Variants in ARFGAP3 observed in about 807,000 individuals in gnomAD.
ARFGAP3 encodes the protein ADP-ribosylation factor GTPase-activating protein 3.
Under a neutral mutation model 75.0 loss-of-function variants are expected in ARFGAP3, and 72 were observed. The observed-to-expected ratio is 0.96, with a 90% confidence interval of 0.79 to 1.17. The LOEUF is 1.17. ARFGAP3 is among the 50% of genes most tolerant of loss of function. The pLI is 0.00. For missense variants in ARFGAP3, 620 were observed against 626.6 expected, an observed-to-expected ratio of 0.99 and a Z score of 0.11; for synonymous variants, 221 against 217.9, an observed-to-expected ratio of 1.01 and a Z score of -0.13.
chr22:42,813,490 C>A (rs558110010), intron 11 of ARFGAP3, among the ~76,000 whole-genome samples: 1 of 152,336 alleles, frequency 6.6e-6, no homozygotes, highest in South Asian at 2.1e-4. Context: ...AAATAACATT[C>A]TTCATTCTTA....
chr22:42,817,667 A>G, intron 10 of ARFGAP3, 62 bp downstream of exon 10: 2 of 1,364,266 alleles, frequency 1.5e-6, no homozygotes, highest in Non-Finnish European at 2.0e-6. Context: ...AGTCCAAGAA[A>G]AATCCACTGA....
At chr22:42,808,236 A>G (rs978653847) in intron 13 of ARFGAP3, among the ~76,000 whole-genome samples, 26 of 151,884 alleles carry the variant, frequency 1.7e-4, no homozygotes, top group Admixed American at 1.5e-3. Context: ...CATCTCTACT[A>G]AAAATACAAA....
At chr22:42,843,856 G>A (rs1450911835) in intron 2 of ARFGAP3, among the ~76,000 whole-genome samples, 2 of 152,188 alleles carry the variant, frequency 1.3e-5, no homozygotes, top group Non-Finnish European at 2.9e-5. Context: ...AAGGGGCAGA[G>A]GTCAGTTCAA....
intron 7 of ARFGAP3, among the ~76,000 whole-genome samples, chr22:42,824,742 G>GT (rs1223424634): frequency 1.3e-5 from 2 of 152,046 alleles, no homozygotes; most frequent in Admixed American, 1.3e-4. Flanking sequence ...TGTTACAAGG[G>GT]TATATTGCGT....
rs746672024 is a variant in ARFGAP3, at chr22:42,807,090, G to A, written c.1394C>T (p.Pro465Leu). 2.2e-5 allele frequency: 35 copies of A among 1,611,332 alleles called. No individual in the cohort carries two copies. The highest frequency in any genetic ancestry group is 1.4e-4 in the South Asian group (13 of 90,378). Reference protein sequence around the residue: ...SISSADLFEEPRKQPAGNYSL... With the variant: ...SISSADLFEELRKQPAGNYSL... ...CCCCCTACCTGCTGGCTGCTTCCTCGGCTCCTCGAACAGATCAGCCGAGCT... is the reference window on the plus strand; with the variant it reads ...CCCCCTACCTGCTGGCTGCTTCCTCAGCTCCTCGAACAGATCAGCCGAGCT... The change falls in exon 14 of 16, where the codon CCG (proline) becomes CTG (leucine). Residue 465 changes from proline to leucine, a missense_variant. Pro to Leu is a moderately conservative substitution (Grantham distance 98). Transcript: ENST00000263245.
chr22:42,797,855 G>A, intron 15 of ARFGAP3: 1 of 584,236 alleles, frequency 1.7e-6, no homozygotes, highest in Non-Finnish European at 2.2e-6. Context: ...CACAGTCCTG[G>A]GATCAGGAGG....
At chr22:42,833,239 A>G (rs1926374611) in intron 5 of ARFGAP3, among the ~76,000 whole-genome samples, 1 of 152,220 alleles carries the variant, frequency 6.6e-6, no homozygotes, top group Non-Finnish European at 1.5e-5. Context: ...GCTTTGAGAT[A>G]ATACTACATA....
chr22:42,810,233 C>T (rs906541288), intron 12 of ARFGAP3, among the ~76,000 whole-genome samples: 2 of 151,912 alleles, frequency 1.3e-5, no homozygotes, highest in African/African-American at 2.4e-5. Flanking sequence ...TTTGGGAGGC[C>T]GAGGCAGGCG....
intron 14 of ARFGAP3, among the ~76,000 whole-genome samples, chr22:42,804,716 A>G (rs1027767710): frequency 1.3e-5 from 2 of 152,054 alleles, no homozygotes; most frequent in Non-Finnish European, 2.9e-5. Flanking sequence ...GGGTTTCACC[A>G]TGTTAGCCAG....
At chr22:42,847,709 T>C (rs1291818786) in intron 1 of ARFGAP3, 77 bp from the exon 2 acceptor site, 4 of 1,527,134 alleles carry the variant, frequency 2.6e-6, no homozygotes, top group South Asian at 1.2e-5. Context: ...GTAAATGACT[T>C]AGCTTGAAAA....
intron 14 of ARFGAP3, 37 bp from the exon 15 acceptor site, chr22:42,799,197 C>G: frequency 6.2e-7 from 1 of 1,606,790 alleles, no homozygotes; most frequent in Non-Finnish European, 8.5e-7. Flanking sequence ...CATCACTGCC[C>G]TGGCCACAGC....
intron 3 of ARFGAP3, among the ~76,000 whole-genome samples, chr22:42,838,557 G>T (rs1283628972): frequency 6.6e-6 from 1 of 151,512 alleles, no homozygotes; most frequent in Non-Finnish European, 1.5e-5. Context: ...TCAGCCTCCC[G>T]AAGTGTTGGG....
chr22:42,817,109 A>G, intron 11 of ARFGAP3, 33 bp downstream of exon 11: 1 of 1,451,102 alleles, frequency 6.9e-7, no homozygotes, highest in Middle Eastern at 1.8e-4. Context: ...GCTTTTCAAA[A>G]TGACACTTCA....
At chr22:42,831,480 T>C in intron 6 of ARFGAP3, 69 bp downstream of exon 6, 2 of 1,521,716 alleles carry the variant, frequency 1.3e-6, no homozygotes, top group Non-Finnish European at 9.0e-7. Context: ...CCCATCTTAA[T>C]TTTTAATAGT....
At chr22:42,824,672 T>C (rs1925962277) in intron 7 of ARFGAP3, among the ~76,000 whole-genome samples, 1 of 152,122 alleles carries the variant, frequency 6.6e-6, no homozygotes, top group African/African-American at 2.4e-5. Context: ...GCCCAAAAAC[T>C]TTAAAAATCA....
At chr22:42,824,246 G>T (rs1320080069) in intron 7 of ARFGAP3, among the ~76,000 whole-genome samples, 1 of 143,832 alleles carries the variant, frequency 7.0e-6, no homozygotes, top group Non-Finnish European at 1.5e-5. Context: ...GGACTCCTGG[G>T]CTCAAGTGAT....
At chr22:42,848,614 C>CCCTG (rs201860834) in intron 1 of ARFGAP3, among the ~76,000 whole-genome samples, 2,206 of 152,294 alleles carry the variant, frequency 0.014, 57 homozygotes, top group African/African-American at 0.05. Flanking sequence ...AGGGATCCTA[C>CCCTG]CAGTCATGTA....
At chr22:42,835,235 A>C in intron 4 of ARFGAP3, 127 bp downstream of exon 4, 1 of 1,057,550 alleles carries the variant, frequency 9.5e-7, no homozygotes, top group Non-Finnish European at 1.3e-6. Flanking sequence ...AATAGTAAGA[A>C]TCTACTGTAC....
At chr22:42,835,566 A>G (rs570397783) in intron 3 of ARFGAP3, 73 bp from the exon 4 acceptor site, 1 of 1,566,646 alleles carries the variant, frequency 6.4e-7, no homozygotes, top group South Asian at 1.1e-5. Flanking sequence ...TCATGCCTGT[A>G]ATCCCAGCAC....
Sources: allele counts gnomAD v4.1 joint callset (sites outside exome capture counted in the v4.1 genomes callset), GRCh38; gene constraint gnomAD v4.1.1; transcripts MANE v1.5; gene names NCBI Gene and HGNC (gene_info 2026-07-23, HGNC 2026-07-21).